Variants in JMJD1C observed in about 807,000 individuals in gnomAD.
JMJD1C encodes jumonji domain-containing protein 1C.
JMJD1C carries 31 observed loss-of-function variants against 245.3 expected under a neutral mutation model. The observed-to-expected ratio is 0.13, with a 90% CI of 0.09 to 0.17. The LOEUF is 0.17. Ranked by LOEUF, JMJD1C falls within the 10% of genes least tolerant of loss-of-function variation. JMJD1C has a pLI of 1.00. For synonymous variants in JMJD1C, 1,057 were observed against 1,017.4 expected (o/e 1.04, Z -0.74); for missense variants, 2,691 against 3,000.2 (o/e 0.90, Z 2.41).
At chr10:63,353,100 T>G (rs962115509) in intron 2 of JMJD1C, among the ~76,000 whole-genome samples, 3 of 152,176 alleles carry the variant, frequency 2.0e-5, no homozygotes, top group Non-Finnish European at 4.4e-5. Context: ...TTAGGAAAAT[T>G]TATTAAGTAC....
At chr10:63,431,036 A>T (rs187673449) in intron 1 of JMJD1C, among the ~76,000 whole-genome samples, 53 of 152,306 alleles carry the variant, frequency 3.5e-4, no homozygotes, top group Middle Eastern at 3.4e-3. Context: ...CTATTTTTTT[A>T]AAAAAGTGAC....
intron 17 of JMJD1C, among the ~76,000 whole-genome samples, chr10:63,190,308 A>G (rs1484331493): frequency 2.0e-5 from 3 of 151,826 alleles, no homozygotes; most frequent in Non-Finnish European, 4.4e-5. Context: ...GGGTTTAAGC[A>G]ATTCTCTGCC....
intron 22 of JMJD1C, among the ~76,000 whole-genome samples, chr10:63,182,587 G>T (rs891813557): frequency 1.3e-5 from 2 of 152,142 alleles, no homozygotes; most frequent in Non-Finnish European, 2.9e-5. Flanking sequence ...TGCTTCTATT[G>T]TACAGAGAAA....
At chr10:63,495,414 A>T (rs10822175) in intron 1 of JMJD1C, among the ~76,000 whole-genome samples, 100,309 of 151,988 alleles carry the variant, frequency 0.66, 36,051 homozygotes, top group Non-Finnish European at 0.81. Flanking sequence ...CATAAAAAAA[A>T]AAAAAGACTA....
intron 2 of JMJD1C, among the ~76,000 whole-genome samples, chr10:63,339,126 T>TG (rs1943142711): frequency 6.6e-6 from 1 of 152,206 alleles, no homozygotes; most frequent in African/African-American, 2.4e-5. Flanking sequence ...CTTTACCACC[T>TG]GCCTAACAGA....
At chr10:63,418,458 G>T (rs558161813) in intron 1 of JMJD1C, among the ~76,000 whole-genome samples, 1 of 152,202 alleles carries the variant, frequency 6.6e-6, no homozygotes, top group South Asian at 2.1e-4. Context: ...AATTTATTAT[G>T]TCTGGTACTG....
intron 2 of JMJD1C, among the ~76,000 whole-genome samples, chr10:63,365,612 A>C (rs1317271521): frequency 1.3e-5 from 2 of 152,162 alleles, no homozygotes; most frequent in African/African-American, 4.8e-5. Context: ...GAGGAGAAAA[A>C]AAAGTATTAT....
At chr10:63,231,101 C>A (rs972608363) in intron 3 of JMJD1C, among the ~76,000 whole-genome samples, 2 of 152,050 alleles carry the variant, frequency 1.3e-5, no homozygotes, top group African/African-American at 4.8e-5. Context: ...ATTTTAGAGC[C>A]AAGCACTTGG....
At chr10:63,338,640 ATTTT>A (rs34238197) in intron 2 of JMJD1C, among the ~76,000 whole-genome samples, 78 of 95,116 alleles carry the variant, frequency 8.2e-4, no homozygotes, top group African/African-American at 2.2e-3. Context: ...TGCTCCTTAG[ATTTT>A]TTTTTTTTTT....
Position 63,215,425 on chromosome 10 carries a change from G to T in JMJD1C, c.853C>A (p.Pro285Thr), listed in dbSNP as rs767519332. 18 of 1,614,056 alleles carry T rather than the reference G, an allele frequency of 1.1e-5. No homozygotes were observed. Among genetic ancestry groups the T allele is most frequent in the Non-Finnish European group, 1.3e-5 (15 of 1,180,028 alleles). ...GCTTGGGAGTTCATTGCTGGTCTGGGACTATTTGCTTGGGCACGTGTATAA... is the reference window on the plus strand; with the variant it reads ...GCTTGGGAGTTCATTGCTGGTCTGGTACTATTTGCTTGGGCACGTGTATAA... ...SHYTRAQANS[P>T]RPAMNSQAAV... Residue 285 changes from proline (P) to threonine (T), a missense_variant, in exon 7 of 26, where the codon CCC becomes ACC. By Grantham distance (38) the Pro-to-Thr change is conservative. Transcript: ENST00000399262.
intron 1 of JMJD1C, among the ~76,000 whole-genome samples, chr10:63,514,588 T>C (rs1954962243): frequency 6.6e-6 from 1 of 151,708 alleles, no homozygotes; most frequent in Non-Finnish European, 1.5e-5. Flanking sequence ...GGGTACTCAC[T>C]GACATAATGA....
At chr10:63,294,281 C>CTTT (rs879496042) in intron 2 of JMJD1C, among the ~76,000 whole-genome samples, 12 of 142,902 alleles carry the variant, frequency 8.4e-5, no homozygotes, top group Non-Finnish European at 1.5e-5. Flanking sequence ...TCAGTTCAAT[C>CTTT]TTTTTTTTTT....
rs368936974 is a variant in JMJD1C, at chr10:63,213,643, G to A, written c.2524C>T (p.Pro842Ser). 6.2e-7 allele frequency: 1 copy of A among 1,614,082 alleles called. No homozygotes were observed. Among genetic ancestry groups the A allele is most frequent in the Non-Finnish European group, 8.5e-7 (1 of 1,180,032 alleles). ...QQQQLLQHQS[P>S]HLLGQAHPSA... ...GGATGGGCTTGTCCAAGAAGATGAG[G>A]TGACTGGTGCTGTAACAACTGTTGT... Residue 842 changes from proline to serine, a missense_variant, in exon 8 of 26, where the codon CCT (proline) becomes TCT (serine). This residue lies in a region of JMJD1C where 1,562 missense variants were observed against 1,490.7 expected (regional missense o/e 1.05). Transcript: ENST00000399262.
chr10:63,383,372 CAAGG>C (rs1208050189), intron 1 of JMJD1C, among the ~76,000 whole-genome samples: 2 of 152,142 alleles, frequency 1.3e-5, no homozygotes, highest in African/African-American at 4.8e-5. Flanking sequence ...AAATCCAAGT[CAAGG>C]AAGAAGCCAA....
chr10:63,316,352 C>A (rs866116555), intron 2 of JMJD1C, among the ~76,000 whole-genome samples: 9 of 152,184 alleles, frequency 5.9e-5, no homozygotes, highest in African/African-American at 2.2e-4. Context: ...ATACTTGTCA[C>A]TGCTTTTGAG....
chr10:63,181,011 G>A (rs749234833), intron 22 of JMJD1C, among the ~76,000 whole-genome samples: 3 of 151,848 alleles, frequency 2.0e-5, no homozygotes, highest in Admixed American at 6.6e-5. Context: ...CTCGTGATCC[G>A]CCCGCCTCGG....
chr10:63,389,306 T>C (rs1228964559), intron 1 of JMJD1C, among the ~76,000 whole-genome samples: 1 of 121,296 alleles, frequency 8.2e-6, no homozygotes, highest in Non-Finnish European at 1.7e-5. Context: ...AGTGAGACCC[T>C]GTCTCAAAAA....
chr10:63,328,073 G>C (rs1295568450), intron 2 of JMJD1C, among the ~76,000 whole-genome samples: 1 of 152,056 alleles, frequency 6.6e-6, no homozygotes, highest in African/African-American at 2.4e-5. Flanking sequence ...TCGGGAGTTT[G>C]AGGCCAGCCT....
chr10:63,206,482 C>A (rs149517818), intron 10 of JMJD1C, 113 bp downstream of exon 10: 4 of 734,906 alleles, frequency 5.4e-6, no homozygotes, highest in African/African-American at 5.3e-5. Flanking sequence ...AGCTAAGGCA[C>A]GCAAATGAAG....
Sources: allele counts gnomAD v4.1 joint callset (sites outside exome capture counted in the v4.1 genomes callset), GRCh38; gene constraint gnomAD v4.1.1; regional missense constraint gnomAD v4.1.1; transcripts MANE v1.5; gene names NCBI Gene and HGNC (gene_info 2026-07-23, HGNC 2026-07-21).